Variants in RNF220 observed in about 807,000 individuals in gnomAD.
The protein encoded by RNF220 is E3 ubiquitin-protein ligase RNF220.
RNF220 carries 7 observed loss-of-function variants against 67.1 expected under a neutral mutation model. That is an observed-to-expected ratio of 0.10 (90% CI 0.06 to 0.20). The LOEUF (loss-of-function observed/expected upper bound fraction) is 0.20. RNF220 is among the 10% of genes least tolerant of loss of function. The pLI is 1.00. For missense variants in RNF220, 565 were observed against 740.3 expected (o/e 0.76, Z 2.75); for synonymous variants, 270 against 283.2 (o/e 0.95, Z 0.47).
At chr1:44,521,325 G>T (rs1322730807) in intron 2 of RNF220, among the ~76,000 whole-genome samples, 1 of 152,236 alleles carries the variant, frequency 6.6e-6, no homozygotes, top group Non-Finnish European at 1.5e-5. Flanking sequence ...TACTGTGCTT[G>T]ACAGGGGACA....
At chr1:44,647,064 G>A (rs1399498052) in intron 12 of RNF220, among the ~76,000 whole-genome samples, 1 of 152,210 alleles carries the variant, frequency 6.6e-6, no homozygotes, top group Non-Finnish European at 1.5e-5. Context: ...ATCCAGGATA[G>A]GTAGGCTCTG....
intron 2 of RNF220, among the ~76,000 whole-genome samples, chr1:44,494,205 CAA>C (rs375116674): frequency 9.7e-4 from 119 of 122,462 alleles, no homozygotes; most frequent in African/African-American, 3.6e-3. Context: ...GAAACTCTGT[CAA>C]AAAAAAAAAA....
At chr1:44,536,877 G>A (rs1377539719) in intron 2 of RNF220, among the ~76,000 whole-genome samples, 1 of 152,016 alleles carries the variant, frequency 6.6e-6, no homozygotes, top group African/African-American at 2.4e-5. Flanking sequence ...TATATATCAG[G>A]AGCTAACTGC....
chr1:44,437,322 T>C (rs1305220666), intron 2 of RNF220, among the ~76,000 whole-genome samples: 5 of 152,240 alleles, frequency 3.3e-5, no homozygotes, highest in Admixed American at 3.3e-4. Flanking sequence ...GGAGGAGCAA[T>C]TCTGATTGAG....
At chr1:44,442,895 G>A (rs562574122) in intron 2 of RNF220, among the ~76,000 whole-genome samples, 149 of 152,230 alleles carry the variant, frequency 9.8e-4, no homozygotes, top group African/African-American at 3.4e-3. Flanking sequence ...TAGCACTGTT[G>A]TTCACCCAAT....
At chr1:44,631,096 G>T (rs1644103622) in intron 5 of RNF220, among the ~76,000 whole-genome samples, 1 of 152,190 alleles carries the variant, frequency 6.6e-6, no homozygotes, top group Non-Finnish European at 1.5e-5. Flanking sequence ...AACAACTCAG[G>T]GCTGACTTGC....
At chr1:44,407,788 G>A (rs921748537) in intron 1 of RNF220, among the ~76,000 whole-genome samples, 4 of 152,218 alleles carry the variant, frequency 2.6e-5, no homozygotes, top group Non-Finnish European at 4.4e-5. Flanking sequence ...CGGGAGTGGA[G>A]GAGTCCGCGG....
At chr1:44,615,458 G>GGGAC (rs1463875312) in intron 3 of RNF220, among the ~76,000 whole-genome samples, 1 of 152,178 alleles carries the variant, frequency 6.6e-6, no homozygotes, top group Non-Finnish European at 1.5e-5. Context: ...CTGCTACTGA[G>GGGAC]GGACGGTCTG....
chr1:44,558,822 G>T (rs1451119687), intron 2 of RNF220, among the ~76,000 whole-genome samples: 1 of 152,138 alleles, frequency 6.6e-6, no homozygotes, highest in Non-Finnish European at 1.5e-5. Flanking sequence ...TCAGTTATTG[G>T]ACTGTTTTGG....
In RNF220 at chr1:44,645,173, T is replaced by C; in HGVS notation, c.1311-48T>C. ...GCAGTACTGACCCTCAGGGCTGTCC[T>C]GCCCGCCTTCAGGCCTCACTTTGTT... On this transcript the variant is annotated intron_variant, in intron 10 of 14. Coordinates refer to ENST00000361799, the MANE Select transcript of RNF220 (RefSeq NM_018150.4). This position sits in a 1 kb window ranked among gnomAD's most constrained non-coding sequence, Gnocchi z 5.0. 4 of 1,613,822 alleles carry C rather than the reference T, an allele frequency of 2.5e-6. No homozygotes were observed. The highest frequency in any genetic ancestry group is 3.4e-6 in the Non-Finnish European group (4 of 1,179,690).
chr1:44,506,405 T>C (rs1164574712), intron 2 of RNF220, among the ~76,000 whole-genome samples: 1 of 152,248 alleles, frequency 6.6e-6, no homozygotes, highest in Non-Finnish European at 1.5e-5. Flanking sequence ...CCACTGGCAC[T>C]GGCCGCCATG....
At chr1:44,539,141 A>G (rs1396248020) in intron 2 of RNF220, among the ~76,000 whole-genome samples, 1 of 152,022 alleles carries the variant, frequency 6.6e-6, no homozygotes, top group Non-Finnish European at 1.5e-5. Context: ...GAATCACTTG[A>G]ACCCGGGATG....
In RNF220 at chr1:44,631,846, C is replaced by T. The variant is rs1031089560; in HGVS notation, c.907-497C>T. 2.9e-5 allele frequency: 28 copies of T among 952,274 alleles called. No homozygotes were observed. In the African/African-American group the frequency reaches 4.8e-4, roughly 16 times the overall value. 59.0% of individuals were successfully genotyped at this position (952,274 alleles called of 1,614,324 possible). A position where few individuals can be genotyped will look rare whatever the true frequency, so the allele number is the denominator to read the frequency against. On this transcript the variant is annotated intron_variant, in intron 5 of 14. Coordinates refer to ENST00000361799, the MANE Select transcript of RNF220 (RefSeq NM_018150.4). ...GCTTCACGGGCGGTGGGAGGGACCC[C>T]GGGGAGGCTTCTGCCGGTTGCTACC...
At chr1:44,646,567 C>T (rs1015828568) in intron 12 of RNF220, among the ~76,000 whole-genome samples, 8 of 152,102 alleles carry the variant, frequency 5.3e-5, no homozygotes, top group African/African-American at 1.9e-4. Flanking sequence ...GCAGGGCGGG[C>T]GGGGTTGTAA....
chr1:44,488,732 T>C (rs909779740), intron 2 of RNF220, among the ~76,000 whole-genome samples: 39 of 133,486 alleles, frequency 2.9e-4, no homozygotes, highest in South Asian at 9.5e-4. Flanking sequence ...TTTTTCTTTT[T>C]TTTTTTTTTT....
At chr1:44,522,049 T>C (rs1270651737) in intron 2 of RNF220, among the ~76,000 whole-genome samples, 2 of 152,158 alleles carry the variant, frequency 1.3e-5, no homozygotes, top group East Asian at 3.8e-4. Flanking sequence ...TGGCCGCAAC[T>C]TTAGGATTTA....
intron 5 of RNF220, among the ~76,000 whole-genome samples, chr1:44,628,215 C>G (rs1233017203): frequency 6.6e-6 from 1 of 152,360 alleles, no homozygotes; most frequent in African/African-American, 2.4e-5. Flanking sequence ...CTGTACTGCA[C>G]TCACGGCATG....
chr1:44,413,755 C>T (rs1433561269), intron 2 of RNF220, among the ~76,000 whole-genome samples: 5 of 152,100 alleles, frequency 3.3e-5, no homozygotes, highest in South Asian at 4.1e-4. Context: ...TCTATTTTTT[C>T]GTGCTCCCAT....
chr1:44,481,629 C>T (rs972906683), intron 2 of RNF220, among the ~76,000 whole-genome samples: 1 of 152,006 alleles, frequency 6.6e-6, no homozygotes, highest in East Asian at 1.9e-4. Context: ...CAAACCTGCA[C>T]GTTCTGTACA....
Sources: gnomAD v4.1 joint callset for allele counts (sites outside exome capture counted in the v4.1 genomes callset) on GRCh38, gnomAD v4.1.1 for gene constraint, Gnocchi (gnomAD v3.1) non-coding constraint, MANE v1.5 for transcripts, NCBI Gene and HGNC (gene_info 2026-07-23, HGNC 2026-07-21) for gene names.